PROSER2: variants seen among roughly 807,000 people sequenced by gnomAD.
PROSER2 encodes proline and serine rich 2, also known as proline and serine-rich protein 2.
PROSER2 carries 18 observed loss-of-function variants against 14.6 expected under a neutral mutation model. The observed-to-expected ratio is 1.23, with a 90% CI of 0.85 to 1.83. PROSER2 has a LOEUF of 1.83. Among genes scored for constraint, PROSER2 ranks in the 40% most tolerant of loss-of-function variants. The pLI, the probability that PROSER2 is intolerant of heterozygous loss-of-function variation, is 0.00. For missense variants in PROSER2, 823 were observed against 629.8 expected (o/e 1.31, Z -3.28); for synonymous variants, 367 against 286.4 (o/e 1.28, Z -2.84).
chr10:11,842,187 A>G (rs1013124244), intron 1 of PROSER2, among the ~76,000 whole-genome samples: 5 of 151,768 alleles, frequency 3.3e-5, no homozygotes, highest in Non-Finnish European at 5.9e-5. Context: ...GCGCCACTGC[A>G]ATCCAGCCTG....
At position 11,866,647 on chromosome 10, in the gene PROSER2, A is replaced by T. The variant is rs920205455; in HGVS notation, c.255A>T (p.Gly85=). Residue 85 remains glycine (G), a synonymous_variant, in exon 3 of 4, where the codon GGA becomes GGT. Transcript: ENST00000277570. The surrounding 1 kb of genome is among the most constrained non-coding windows in gnomAD (Gnocchi z 6.0). ...AGGAGCCAGTGCTGTGCGATGGAGG[A>T]GTGTGCTGCCTCTGCTCCCCGTCTC... ...DFEEPVLCDG[G]VCCLCSPSLE... 6.2e-7 allele frequency: 1 copy of T among 1,613,952 alleles called. No homozygotes were observed. The highest frequency in any genetic ancestry group is 8.5e-7 in the Non-Finnish European group (1 of 1,180,020).
intron 1 of PROSER2, among the ~76,000 whole-genome samples, chr10:11,824,837 A>G (rs1833588649): frequency 2.0e-5 from 3 of 152,206 alleles, no homozygotes; most frequent in Admixed American, 2.0e-4. Context: ...AATTAGAGTG[A>G]TATAGTGGAG....
At chr10:11,826,525 C>G (rs9665467) in intron 1 of PROSER2, among the ~76,000 whole-genome samples, 3,277 of 152,278 alleles carry the variant, frequency 0.022, 123 homozygotes, top group African/African-American at 0.074. Flanking sequence ...TCTCGACATC[C>G]TTGTCAACCA....
intron 1 of PROSER2, among the ~76,000 whole-genome samples, chr10:11,831,325 CAT>C (rs1454755783): frequency 2.0e-5 from 3 of 152,142 alleles, no homozygotes; most frequent in Non-Finnish European, 4.4e-5. Flanking sequence ...TAGTGAAGCA[CAT>C]ATTGGGTGCT....
chr10:11,852,049 A>T lies in PROSER2; in HGVS notation c.-29A>T. The T allele has an allele frequency of 6.4e-7, 1 of 1,570,522 alleles. No individual in the cohort carries two copies. The highest frequency in any genetic ancestry group is 8.7e-7 in the Non-Finnish European group (1 of 1,156,062). ...GCTGGCTCCTGCCCTGCTTCCTGTG[A>T]TCGAGCCGGCCCTGAGGACTCTGTG... On this transcript the variant is annotated 5_prime_UTR_variant, in exon 2 of 4. The change abolishes the stop of an existing upstream ORF in the 5' untranslated region. Transcript: ENST00000277570.
In PROSER2 at chr10:11,866,862, CCT is replaced by C. The variant is rs1834359883; in HGVS notation, c.391+80_391+81del. On this transcript the variant is annotated intron_variant, in intron 3 of 3. Transcript: ENST00000277570. This position sits in a 1 kb window ranked among gnomAD's most constrained non-coding sequence, Gnocchi z 6.0. Reference sequence around the variant, plus strand: ...CCCAGAGATACTTCTTTTGTGTTCCCCTGTGTTTGCCAGTAGAAGTTGTTGAG... The same window carrying C: ...CCCAGAGATACTTCTTTTGTGTTCCCGTGTTTGCCAGTAGAAGTTGTTGAG... 3.4e-6 allele frequency: 5 copies of C among 1,483,280 alleles called. No homozygotes were observed. Among genetic ancestry groups the C allele is most frequent in the South Asian group, 2.6e-5 (2 of 76,100 alleles). The allele number at this position is 1,483,280 out of a possible 1,614,324, so 91.9% of individuals were successfully genotyped here.
At chr10:11,855,488 AAAG>A (rs1276795543) in intron 2 of PROSER2, among the ~76,000 whole-genome samples, 246 of 151,762 alleles carry the variant, frequency 1.6e-3, no homozygotes, top group African/African-American at 5.5e-3. Flanking sequence ...AAAAAAAAAA[AAAG>A]AAAAAAGACG....
At position 11,865,269 on chromosome 10, in the gene PROSER2, G is replaced by C. The variant is rs1256073302; in HGVS notation, c.139-1262G>C. ...CTTTTATTTAGTTTTTCATTTTTTT[G>C]TGCTGTTAGTATTTTTTATTTATTT... On this transcript the variant is annotated intron_variant, in intron 2 of 3. Transcript: ENST00000277570. The surrounding 1 kb of genome is among the most constrained non-coding windows in gnomAD (Gnocchi z 4.2). 6.7e-6 allele frequency among the ~76,000 whole-genome samples: 1 copy of C among 148,256 alleles called. No individual in the cohort carries two copies. Among genetic ancestry groups the C allele is most frequent in the East Asian group, 2.0e-4 (1 of 5,050 alleles).
intron 2 of PROSER2, among the ~76,000 whole-genome samples, chr10:11,853,743 C>T (rs1834073667): frequency 6.6e-6 from 1 of 152,124 alleles, no homozygotes; most frequent in South Asian, 2.1e-4. Context: ...TCTCCGTAGA[C>T]GTTTAAATTA....
At chr10:11,845,507 A>G (rs1833909955) in intron 1 of PROSER2, among the ~76,000 whole-genome samples, 1 of 152,210 alleles carries the variant, frequency 6.6e-6, no homozygotes, top group Non-Finnish European at 1.5e-5. Context: ...TAGAGGATAC[A>G]CACAAAAATG....
chr10:11,849,309 A>C (rs572815257), intron 1 of PROSER2, among the ~76,000 whole-genome samples: 1 of 152,284 alleles, frequency 6.6e-6, no homozygotes, highest in Admixed American at 6.5e-5. Context: ...CTTCCCTTAC[A>C]GTTGGTGCTA....
At chr10:11,827,728 G>A (rs1039835010) in intron 1 of PROSER2, among the ~76,000 whole-genome samples, 6 of 150,074 alleles carry the variant, frequency 4.0e-5, no homozygotes, top group Non-Finnish European at 7.4e-5. Context: ...ACCTAAACTG[G>A]AATGCAGTGG....
At chr10:11,845,417 C>T (rs1318694326) in intron 1 of PROSER2, among the ~76,000 whole-genome samples, 2 of 152,076 alleles carry the variant, frequency 1.3e-5, no homozygotes, top group Non-Finnish European at 2.9e-5. Context: ...TCTAATAGTA[C>T]ATTTAAAATT....
intron 1 of PROSER2, among the ~76,000 whole-genome samples, chr10:11,826,034 A>G (rs1355273144): frequency 1.3e-5 from 2 of 151,926 alleles, no homozygotes; most frequent in East Asian, 3.9e-4. Context: ...GACGATTCCC[A>G]TTGCCCTCTC....
Position 11,849,849 on chromosome 10 carries a change from C to T in PROSER2, c.-81-2148C>T, listed in dbSNP as rs190545825. 125 of 152,284 alleles carry T rather than the reference C, an allele frequency of 8.2e-4. 1 individual carries two copies. Among genetic ancestry groups the T allele is most frequent in the Non-Finnish European group, 1.5e-4 (10 of 68,090 alleles). 9.4% of individuals were successfully genotyped at this position (152,284 alleles called of 1,614,324 possible). A position where few individuals can be genotyped will look rare whatever the true frequency, so the allele number is the denominator to read the frequency against. ...GCATGGCCATGTTGAGGGGCAGGGACGGGAAGAGGTGGTTAGCATTTGAAC... is the reference window on the plus strand; with the variant it reads ...GCATGGCCATGTTGAGGGGCAGGGATGGGAAGAGGTGGTTAGCATTTGAAC... On this transcript the variant is annotated intron_variant, in intron 1 of 3. Coordinates refer to ENST00000277570, the MANE Select transcript of PROSER2 (RefSeq NM_153256.4).
In PROSER2 at chr10:11,838,184, C is replaced by T. The variant is rs1025636212; in HGVS notation, c.-81-13813C>T. On this transcript the variant is annotated intron_variant, in intron 1 of 3. Coordinates refer to ENST00000277570, the MANE Select transcript of PROSER2 (RefSeq NM_153256.4). The surrounding 1 kb of genome is among the most constrained non-coding windows in gnomAD (Gnocchi z 4.4). ...TCTATTTTAGAACAATCAGGTCATGCCCCCGACACACACTCACCCCCCAGA... is the reference window on the plus strand; with the variant it reads ...TCTATTTTAGAACAATCAGGTCATGTCCCCGACACACACTCACCCCCCAGA... Among the ~76,000 whole-genome samples the T allele has an allele frequency of 5.9e-5, 9 of 152,194 alleles. No homozygotes were observed. The highest frequency in any genetic ancestry group is 1.2e-4 in the Non-Finnish European group (8 of 67,992).
At position 11,856,517 on chromosome 10, in the gene PROSER2, G is replaced by A. The variant is rs1286042178; in HGVS notation, c.138+4302G>A. Among the ~76,000 whole-genome samples, 1 of 152,246 alleles carries A rather than the reference G, an allele frequency of 6.6e-6. No individual in the cohort carries two copies. Among genetic ancestry groups the A allele is most frequent in the Non-Finnish European group, 1.5e-5 (1 of 68,046 alleles). ...GAGCTGGAACAGCATGGCTGCTTTT[G>A]TGAGGGTGGCTGGGGACATCCCAAG... On this transcript the variant is annotated intron_variant, in intron 2 of 3. Coordinates refer to ENST00000277570, the MANE Select transcript of PROSER2 (RefSeq NM_153256.4). This position sits in a 1 kb window ranked among gnomAD's most constrained non-coding sequence, Gnocchi z 5.3.
chr10:11,852,509 C>T (rs768650815), intron 2 of PROSER2, among the ~76,000 whole-genome samples: 4 of 151,366 alleles, frequency 2.6e-5, no homozygotes, highest in Non-Finnish European at 5.9e-5. Flanking sequence ...AGGAGCGCTG[C>T]TGAAGAGCTC....
chr10:11,840,955 A>AAAT (rs1833836460), intron 1 of PROSER2, among the ~76,000 whole-genome samples: 1 of 18,890 alleles, frequency 5.3e-5, no homozygotes, highest in Non-Finnish European at 9.0e-5. Flanking sequence ...AAAAAAAAAA[A>AAAT]ATATATATAT....
Sources: allele counts gnomAD v4.1 joint callset (sites outside exome capture counted in the v4.1 genomes callset), GRCh38; gene constraint gnomAD v4.1.1; non-coding constraint Gnocchi (gnomAD v3.1); transcripts MANE v1.5; gene names NCBI Gene and HGNC (gene_info 2026-07-23, HGNC 2026-07-21).